The following PHYHIPL variants were observed in gnomAD, a reference collection of about 807,000 sequenced individuals.
PHYHIPL encodes phytanoyl-CoA hydroxylase-interacting protein-like.
Under a neutral mutation model 33.4 loss-of-function variants are expected in PHYHIPL, and 9 were observed. The observed-to-expected ratio is 0.27, with a 90% confidence interval of 0.16 to 0.47. PHYHIPL has a LOEUF of 0.47. PHYHIPL is among the 20% of genes least tolerant of loss of function. PHYHIPL has a pLI of 0.99. For missense variants in PHYHIPL, 365 were observed against 460.7 expected (o/e 0.79, Z 1.90); for synonymous variants, 153 against 154.1 (o/e 0.99, Z 0.05).
At chr10:59,209,929 C>T (rs991793833) in intron 1 of PHYHIPL, among the ~76,000 whole-genome samples, 12 of 152,148 alleles carry the variant, frequency 7.9e-5, no homozygotes, top group African/African-American at 2.9e-4. Context: ...AAAATTAACT[C>T]AAGATGGATT....
chr10:59,190,500 C>T (rs1052187054), intron 1 of PHYHIPL, among the ~76,000 whole-genome samples: 1 of 151,788 alleles, frequency 6.6e-6, no homozygotes, highest in African/African-American at 2.4e-5. Context: ...TTATTGATAA[C>T]ATTTTTAAAA....
intron 4 of PHYHIPL, among the ~76,000 whole-genome samples, chr10:59,240,357 T>G (rs1458522417): frequency 6.6e-6 from 1 of 152,088 alleles, no homozygotes; most frequent in African/African-American, 2.4e-5. Context: ...AAACCCATTG[T>G]AAGTTGAAAA....
rs1355897130 is a variant in PHYHIPL at position 59,245,437 on chromosome 10, A to G, written c.977A>G (p.Gln326Arg). 1 of 1,614,074 alleles carries G rather than the reference A, an allele frequency of 6.2e-7. No homozygotes were observed. The highest frequency in any genetic ancestry group is 8.5e-7 in the Non-Finnish European group (1 of 1,180,038). ...GGGGTGCTGGTTTACCACCATGCCC[A>G]GGATGTCATTTTAGAAGTCATTTAC... Reference protein sequence around the residue: ...EDGVLVYHHAQDVILEVIYTD... With the variant: ...EDGVLVYHHARDVILEVIYTD... The change falls in exon 5 of 5, where the codon CAG becomes CGG. Residue 326 changes from glutamine (Q) to arginine (R), a missense_variant. Coordinates refer to ENST00000373880, the MANE Select transcript of PHYHIPL (RefSeq NM_032439.4).
At chr10:59,236,380 C>T in intron 2 of PHYHIPL, 103 bp from the exon 3 acceptor site, 1 of 584,894 alleles carries the variant, frequency 1.7e-6, no homozygotes, top group South Asian at 4.3e-5. Flanking sequence ...CCTCCTTCTC[C>T]CTTCCCTCCT....
chr10:59,233,094 A>G (rs1840125316), intron 1 of PHYHIPL, among the ~76,000 whole-genome samples: 2 of 151,936 alleles, frequency 1.3e-5, no homozygotes, highest in Non-Finnish European at 2.9e-5. Context: ...TAGGAGAAGA[A>G]AAAAGGATTT....
intron 1 of PHYHIPL, among the ~76,000 whole-genome samples, chr10:59,180,499 G>T (rs891396698): frequency 1.3e-5 from 2 of 151,348 alleles, no homozygotes; most frequent in South Asian, 4.2e-4. Flanking sequence ...TACCCTCAAG[G>T]CTTCGTGGCT....
chr10:59,207,159 T>G (rs1221580656), intron 1 of PHYHIPL, among the ~76,000 whole-genome samples: 1 of 152,060 alleles, frequency 6.6e-6, no homozygotes, highest in Non-Finnish European at 1.5e-5. Flanking sequence ...TAGGAACAGC[T>G]CCAGTCTGCA....
At chr10:59,205,993 A>C (rs969802752) in intron 1 of PHYHIPL, among the ~76,000 whole-genome samples, 1 of 152,196 alleles carries the variant, frequency 6.6e-6, no homozygotes, top group African/African-American at 2.4e-5. Context: ...GCACTGAGTA[A>C]TTCTTGGCAT....
chr10:59,230,826 G>T (rs1045761388), intron 1 of PHYHIPL, among the ~76,000 whole-genome samples: 1 of 152,048 alleles, frequency 6.6e-6, no homozygotes, highest in African/African-American at 2.4e-5. Context: ...ACCATGGCGG[G>T]GGGGCTTCCA....
At chr10:59,242,553 T>A in intron 4 of PHYHIPL, among the ~76,000 whole-genome samples, 1 of 151,638 alleles carries the variant, frequency 6.6e-6, no homozygotes, top group African/African-American at 2.4e-5. Flanking sequence ...TTAACCTGAA[T>A]GAGAAAAGAT....
In PHYHIPL at chr10:59,186,438, C is replaced by T. The variant is rs573124843; in HGVS notation, c.106+9479C>T. On this transcript the variant is annotated intron_variant, in intron 1 of 4. Coordinates refer to ENST00000373880, the MANE Select transcript of PHYHIPL (RefSeq NM_032439.4). ...TTGTTCTTTTTGCTTAGGATTGTCT[C>T]GGCAATGTGGGCTCTTTTTTGGTTC... Among the ~76,000 whole-genome samples the T allele has an allele frequency of 2.4e-3, 372 of 152,090 alleles. 2 individuals are homozygous for T. The highest frequency in any genetic ancestry group is 8.0e-3 in the African/African-American group (331 of 41,506).
intron 4 of PHYHIPL, among the ~76,000 whole-genome samples, chr10:59,239,135 C>T (rs777382153): frequency 6.6e-6 from 1 of 151,780 alleles, no homozygotes; most frequent in Non-Finnish European, 1.5e-5. Flanking sequence ...CAGACTTCTA[C>T]CTAAGTAGAA....
At chr10:59,232,479 A>G (rs1277868952) in intron 1 of PHYHIPL, among the ~76,000 whole-genome samples, 2 of 151,998 alleles carry the variant, frequency 1.3e-5, no homozygotes, top group African/African-American at 4.8e-5. Context: ...CAGAATGAAA[A>G]AATCCAAAAA....
chr10:59,201,950 A>C (rs1196372814), intron 1 of PHYHIPL, among the ~76,000 whole-genome samples: 1 of 152,176 alleles, frequency 6.6e-6, no homozygotes, highest in Admixed American at 6.6e-5. Flanking sequence ...GGGTCATAAG[A>C]GTAAAGCAAA....
chr10:59,206,789 A>C, intron 1 of PHYHIPL: 1 of 1,239,420 alleles, frequency 8.1e-7, no homozygotes, highest in Non-Finnish European at 1.0e-6. Flanking sequence ...ACAGACAAGA[A>C]AAGGATAAAA....
At chr10:59,174,529 T>G (rs577921468), upstream of PHYHIPL, among the ~76,000 whole-genome samples, 1 of 152,312 alleles carries the variant, frequency 6.6e-6, no homozygotes, top group South Asian at 2.1e-4. Context: ...AGTTAAAAAG[T>G]AAATATTTCT....
chr10:59,200,191 G>A (rs557000430), intron 1 of PHYHIPL, among the ~76,000 whole-genome samples: 1 of 152,226 alleles, frequency 6.6e-6, no homozygotes, highest in South Asian at 2.1e-4. Flanking sequence ...TTGGCTGTGA[G>A]TTTGTCATAA....
Position 59,245,561 on chromosome 10 carries a change from C to T in PHYHIPL, c.1101C>T (p.Cys367=), listed in dbSNP as rs773575065. 6.2e-7 allele frequency: 1 copy of T among 1,608,796 alleles called. No individual in the cohort carries two copies. Among genetic ancestry groups the T allele is most frequent in the Non-Finnish European group, 8.5e-7 (1 of 1,178,006 alleles). The change falls in exon 5 of 5, where the codon TGC becomes TGT. Residue 367 remains cysteine (C), a synonymous_variant. Coordinates refer to ENST00000373880, the MANE Select transcript of PHYHIPL (RefSeq NM_032439.4). ...STANAKKDPS[C]KTCNISVGR ...CAAATGCAAAGAAAGATCCCAGCTG[C>T]AAAACCTGTAATATCAGTGTTGGAC...
At chr10:59,215,360 G>T (rs940542826) in intron 1 of PHYHIPL, among the ~76,000 whole-genome samples, 1 of 152,004 alleles carries the variant, frequency 6.6e-6, no homozygotes, top group African/African-American at 2.4e-5. Flanking sequence ...AATTCATTAT[G>T]AGACTTTATG....
Sources: allele counts gnomAD v4.1 joint callset (sites outside exome capture counted in the v4.1 genomes callset), GRCh38; gene constraint gnomAD v4.1.1; transcripts MANE v1.5; gene names NCBI Gene and HGNC (gene_info 2026-07-23, HGNC 2026-07-21).